Variants in GPATCH8 observed in about 807,000 individuals in gnomAD.
GPATCH8 encodes the protein G patch domain-containing protein 8.
GPATCH8 carries 18 observed loss-of-function variants against 118.3 expected under a neutral mutation model. That is an observed-to-expected ratio of 0.15 (90% confidence interval 0.11 to 0.23). The LOEUF is 0.23. Among genes scored for constraint, GPATCH8 ranks in the 10% least tolerant of loss-of-function variants. The pLI, the probability that GPATCH8 is intolerant of heterozygous loss-of-function variation, is 1.00. For synonymous variants in GPATCH8, 659 were observed against 684.7 expected, an observed-to-expected ratio of 0.96 and a Z score of 0.59; for missense variants, 1,631 against 1,873.8, an observed-to-expected ratio of 0.87 and a Z score of 2.39.
chr17:44,397,521 T>G lies in GPATCH8; in HGVS notation c.*47A>C. On this transcript the variant is annotated 3_prime_UTR_variant, in exon 8 of 8. Coordinates refer to ENST00000591680, the MANE Select transcript of GPATCH8 (RefSeq NM_001002909.4). Reference sequence around the variant, plus strand: ...ATGGCTCAACACCCCCAAGGGAACATTTATGGGTCTCCTCCCCTGGCCCTA... The same window carrying G: ...ATGGCTCAACACCCCCAAGGGAACAGTTATGGGTCTCCTCCCCTGGCCCTA... 1 of 1,307,258 alleles carries G rather than the reference T, an allele frequency of 7.6e-7. No homozygotes were observed. The highest frequency in any genetic ancestry group is 1.1e-6 in the Non-Finnish European group (1 of 901,392). The allele number at this position is 1,307,258 out of a possible 1,614,324, so 81.0% of individuals were successfully genotyped here.
intron 1 of GPATCH8, among the ~76,000 whole-genome samples, chr17:44,494,147 T>C (rs1330635236): frequency 6.6e-5 from 10 of 152,136 alleles, no homozygotes; most frequent in Non-Finnish European, 1.5e-4. Context: ...TTCTAGCTCA[T>C]TCCCTACAGT....
At chr17:44,424,014 C>T (rs532880943) in intron 6 of GPATCH8, among the ~76,000 whole-genome samples, 15 of 152,126 alleles carry the variant, frequency 9.9e-5, no homozygotes, top group African/African-American at 3.6e-4. Context: ...AAGTTTAACG[C>T]GTTAAGAGCA....
rs1473622044 is a variant in GPATCH8 at position 44,501,615 on chromosome 17, ACC to A, written c.45+1709_45+1710del. ...CTGAGTATTGAAAAAGTACAGGCTA[ACC>A]CCCTGAATGTTTTTCAGGAAACAGC... On this transcript the variant is annotated intron_variant, in intron 1 of 7. Coordinates refer to ENST00000591680, the MANE Select transcript of GPATCH8 (RefSeq NM_001002909.4). Among the ~76,000 whole-genome samples, 6 of 152,132 alleles carry A rather than the reference ACC, an allele frequency of 3.9e-5. No homozygotes were observed. The East Asian group carries it at 1.2e-3, about 29-fold the overall frequency.
intron 6 of GPATCH8, among the ~76,000 whole-genome samples, chr17:44,413,529 T>C (rs1015628380): frequency 6.6e-6 from 1 of 152,124 alleles, no homozygotes; most frequent in Admixed American, 6.6e-5. Flanking sequence ...TAGCCCAGGC[T>C]GGAGTGCAGT....
In GPATCH8 at chr17:44,401,416, C is replaced by T. The variant is rs2049017918; in HGVS notation, c.661G>A (p.Val221Met). The T allele has an allele frequency of 1.9e-6, 3 of 1,613,404 alleles. No homozygotes were observed. Among genetic ancestry groups the T allele is most frequent in the Non-Finnish European group, 2.5e-6 (3 of 1,179,418 alleles). ...GSGPMFKPTT[V>M]AVDEEGGEDD... ...TCTCCACCTTCTTCATCTACAGCCA[C>T]TGTGGTTGGTTTGAACATGGGACCA... is the stretch of plus-strand genomic sequence containing the variant. Residue 221 changes from valine (V) to methionine (M), a missense_variant, in exon 8 of 8, where the codon GTG (valine) becomes ATG (methionine). Transcript: ENST00000591680.
At chr17:44,494,864 T>C (rs772704748) in intron 1 of GPATCH8, among the ~76,000 whole-genome samples, 1 of 152,224 alleles carries the variant, frequency 6.6e-6, no homozygotes, top group African/African-American at 2.4e-5. Context: ...TTTGCAGCCC[T>C]AGTCTTCACT....
intron 1 of GPATCH8, among the ~76,000 whole-genome samples, chr17:44,480,146 G>A (rs1009602270): frequency 1.2e-4 from 18 of 152,016 alleles, no homozygotes; most frequent in South Asian, 2.1e-4. Flanking sequence ...TTTTTAAAGT[G>A]GGCATAAGAT....
chr17:44,431,806 G>A (rs2050325526), intron 5 of GPATCH8, among the ~76,000 whole-genome samples: 2 of 151,944 alleles, frequency 1.3e-5, no homozygotes, highest in Non-Finnish European at 2.9e-5. Context: ...CACGCCTATA[G>A]TCTTGGTTAC....
intron 1 of GPATCH8, among the ~76,000 whole-genome samples, chr17:44,502,353 T>A: frequency 9.2e-6 from 1 of 109,052 alleles, no homozygotes; most frequent in South Asian, 2.6e-4. Context: ...GCGGTAGTAA[T>A]GCAGTGTTTT....
At chr17:44,418,837 T>C (rs1307838968) in intron 6 of GPATCH8, among the ~76,000 whole-genome samples, 2 of 152,202 alleles carry the variant, frequency 1.3e-5, no homozygotes, top group East Asian at 3.8e-4. Context: ...TCTTCAGAAA[T>C]GGAAAGGCCT....
At chr17:44,416,357 A>G (rs1338395534) in intron 6 of GPATCH8, among the ~76,000 whole-genome samples, 1 of 152,146 alleles carries the variant, frequency 6.6e-6, no homozygotes, top group Non-Finnish European at 1.5e-5. Flanking sequence ...ATTGCTGGGT[A>G]TAATAAGTTT....
intron 7 of GPATCH8, among the ~76,000 whole-genome samples, chr17:44,404,774 T>G (rs969730279): frequency 3.9e-5 from 6 of 152,252 alleles, no homozygotes; most frequent in Non-Finnish European, 5.9e-5. Flanking sequence ...TTTAAGGAAC[T>G]GGAGGACTAA....
intron 7 of GPATCH8, among the ~76,000 whole-genome samples, chr17:44,401,753 C>G (rs2049030112): frequency 6.6e-6 from 1 of 152,166 alleles, no homozygotes; most frequent in Non-Finnish European, 1.5e-5. Flanking sequence ...CCTGTAATCC[C>G]AGCACTTTGA....
chr17:44,461,445 A>G (rs1329865559), intron 3 of GPATCH8, among the ~76,000 whole-genome samples: 1 of 151,966 alleles, frequency 6.6e-6, no homozygotes, highest in African/African-American at 2.4e-5. Context: ...CAGCTTCCCA[A>G]AGTGCTGGGA....
chr17:44,440,035 G>A (rs57039852), intron 3 of GPATCH8, among the ~76,000 whole-genome samples: 12,851 of 152,034 alleles, frequency 0.085, 1,772 homozygotes, highest in African/African-American at 0.29. Context: ...TGCCCACCTC[G>A]GCCTCCCAAA....
intron 3 of GPATCH8, among the ~76,000 whole-genome samples, chr17:44,444,984 A>G (rs2050826662): frequency 3.3e-5 from 5 of 152,234 alleles, no homozygotes; most frequent in Non-Finnish European, 1.5e-5. Context: ...ACAAGATACT[A>G]ATGATTTAAC....
At position 44,428,924 on chromosome 17, in the gene GPATCH8, G is replaced by A. The variant is rs1281885571; in HGVS notation, c.349-4432C>T. ...TGGGAGGCCGAGGTGGGCGGTTCAC[G>A]AGGTCAGGAGATCGAGACCATCCTG... is the stretch of plus-strand genomic sequence containing the variant. On this transcript the variant is annotated intron_variant, in intron 5 of 7. Transcript: ENST00000591680. Among the ~76,000 whole-genome samples, 4 of 151,782 alleles carry A rather than the reference G, an allele frequency of 2.6e-5. No individual in the cohort carries two copies. The East Asian group carries it at 5.8e-4, about 22-fold the overall frequency.
intron 1 of GPATCH8, among the ~76,000 whole-genome samples, chr17:44,490,041 A>T (rs2144465425): frequency 6.6e-6 from 1 of 152,218 alleles, no homozygotes; most frequent in East Asian, 1.9e-4. Flanking sequence ...AGTGGCTCAC[A>T]CCTATAATCC....
chr17:44,472,268 A>G (rs1286104767), intron 2 of GPATCH8, among the ~76,000 whole-genome samples: 1 of 152,224 alleles, frequency 6.6e-6, no homozygotes, highest in East Asian at 1.9e-4. Flanking sequence ...TAAATAAGGC[A>G]TATTATCAAT....
Sources: allele counts gnomAD v4.1 joint callset (sites outside exome capture counted in the v4.1 genomes callset), GRCh38; gene constraint gnomAD v4.1.1; transcripts MANE v1.5; gene names NCBI Gene and HGNC (gene_info 2026-07-23, HGNC 2026-07-21).